Variants in UNC5C observed in about 807,000 individuals in gnomAD.
UNC5C encodes the protein netrin receptor UNC5C.
UNC5C carries 47 observed loss-of-function variants against 99.8 expected under a neutral mutation model. The observed-to-expected ratio is 0.47, with a 90% confidence interval of 0.37 to 0.60. UNC5C has a LOEUF of 0.60. UNC5C is among the 20% of genes least tolerant of loss of function. The probability of loss-of-function intolerance (pLI) is 0.00; values close to 1 mark genes in which losing one functional copy is unlikely to be tolerated. For missense variants in UNC5C, 1,062 were observed against 1,165.9 expected (o/e 0.91, Z 1.30); for synonymous variants, 487 against 452.2 (o/e 1.08, Z -0.98).
intron 14 of UNC5C, among the ~76,000 whole-genome samples, chr4:95,171,331 C>A (rs1736095095): frequency 6.6e-6 from 1 of 151,372 alleles, no homozygotes; most frequent in African/African-American, 2.4e-5. Context: ...GCGCTGCACC[C>A]ACTAACTCAT....
At chr4:95,520,998 T>C (rs183799228) in intron 1 of UNC5C, among the ~76,000 whole-genome samples, 1 of 151,896 alleles carries the variant, frequency 6.6e-6, no homozygotes, top group Admixed American at 6.6e-5. Flanking sequence ...CCAAGAAACA[T>C]TGTCTTAAAT....
At chr4:95,374,154 G>A (rs1744827003) in intron 1 of UNC5C, among the ~76,000 whole-genome samples, 2 of 152,030 alleles carry the variant, frequency 1.3e-5, no homozygotes, top group African/African-American at 4.8e-5. Flanking sequence ...GAAAACAAAG[G>A]AGAATAATAT....
chr4:95,213,940 T>A (rs1738160815), intron 10 of UNC5C, among the ~76,000 whole-genome samples: 1 of 152,188 alleles, frequency 6.6e-6, no homozygotes. Flanking sequence ...GAAAGTGCTT[T>A]GTGATCAGAA....
At chr4:95,419,857 T>C (rs951069280) in intron 1 of UNC5C, among the ~76,000 whole-genome samples, 4 of 152,080 alleles carry the variant, frequency 2.6e-5, no homozygotes, top group South Asian at 2.1e-4. Flanking sequence ...CAAAGGATCA[T>C]TGGCCTCTAG....
At chr4:95,276,580 G>C (rs556596646) in intron 4 of UNC5C, among the ~76,000 whole-genome samples, 5 of 152,308 alleles carry the variant, frequency 3.3e-5, no homozygotes, top group African/African-American at 1.2e-4. Context: ...TGTTGCTCAT[G>C]ATCTGTTTTG....
intron 10 of UNC5C, among the ~76,000 whole-genome samples, chr4:95,208,050 C>T (rs1328490806): frequency 1.3e-5 from 2 of 152,114 alleles, no homozygotes; most frequent in Admixed American, 6.5e-5. Flanking sequence ...GATCTCTCCT[C>T]GGGTTTCTAT....
chr4:95,336,578 G>T (rs1031039502), intron 1 of UNC5C, among the ~76,000 whole-genome samples: 10 of 151,842 alleles, frequency 6.6e-5, no homozygotes, highest in African/African-American at 1.2e-4. Context: ...TTCAGTTGTT[G>T]CCCTGTGTTG....
At chr4:95,349,033 A>G (rs1167835365) in intron 1 of UNC5C, among the ~76,000 whole-genome samples, 5 of 151,600 alleles carry the variant, frequency 3.3e-5, no homozygotes, top group Non-Finnish European at 7.4e-5. Flanking sequence ...TAGTTAGATA[A>G]AATGTATAAG....
At chr4:95,495,823 C>T (rs898887021) in intron 1 of UNC5C, among the ~76,000 whole-genome samples, 1 of 151,578 alleles carries the variant, frequency 6.6e-6, no homozygotes, top group Non-Finnish European at 1.5e-5. Flanking sequence ...GAAGCAACAA[C>T]AATCTGAAGG....
chr4:95,206,897 G>T, intron 10 of UNC5C, 101 bp from the exon 11 acceptor site: 17 of 816,042 alleles, frequency 2.1e-5, no homozygotes, highest in Admixed American at 4.3e-5. Context: ...TTTTCTCCTG[G>T]AATTCTTTTT....
intron 1 of UNC5C, among the ~76,000 whole-genome samples, chr4:95,370,598 C>T (rs527677541): frequency 1.3e-5 from 2 of 152,290 alleles, no homozygotes; most frequent in South Asian, 4.1e-4. Flanking sequence ...TTTATTTGTA[C>T]TCATTTTCAG....
At chr4:95,377,415 C>A (rs541175476) in intron 1 of UNC5C, among the ~76,000 whole-genome samples, 2 of 152,256 alleles carry the variant, frequency 1.3e-5, no homozygotes, top group African/African-American at 4.8e-5. Flanking sequence ...AAACTAAATC[C>A]AGATAGAACC....
chr4:95,270,345 TG>T (rs1220344221), intron 4 of UNC5C, among the ~76,000 whole-genome samples: 1 of 152,344 alleles, frequency 6.6e-6, no homozygotes, highest in African/African-American at 2.4e-5. Context: ...AGTAGGTTTG[TG>T]CAAGTCTGGG....
chr4:95,548,462 C>A (rs999312571), intron 1 of UNC5C, among the ~76,000 whole-genome samples: 7 of 152,000 alleles, frequency 4.6e-5, no homozygotes, highest in African/African-American at 1.5e-4. Context: ...GGCTCCCACA[C>A]GTATGGAGAC....
chr4:95,262,210 A>G, intron 4 of UNC5C, among the ~76,000 whole-genome samples: 1 of 152,168 alleles, frequency 6.6e-6, no homozygotes, highest in East Asian at 1.9e-4. Flanking sequence ...CTTTTTGCAA[A>G]TCAGGTGGTT....
intron 11 of UNC5C, 115 bp from the exon 12 acceptor site, chr4:95,203,079 T>G (rs1471255156): frequency 1.2e-6 from 1 of 838,702 alleles, no homozygotes; most frequent in African/African-American, 1.7e-5. Context: ...GTCTTTTTTC[T>G]CTCTCAGAGT....
intron 1 of UNC5C, among the ~76,000 whole-genome samples, chr4:95,528,678 C>G (rs1316957683): frequency 6.6e-6 from 1 of 152,070 alleles, no homozygotes; most frequent in Non-Finnish European, 1.5e-5. Flanking sequence ...TGTAGTATAA[C>G]CCTGGGAGAG....
chr4:95,424,518 C>CTTTTTTT (rs536039867), intron 1 of UNC5C, among the ~76,000 whole-genome samples: 99 of 67,958 alleles, frequency 1.5e-3, no homozygotes, highest in Non-Finnish European at 1.7e-3. Context: ...TTTTTCTTTT[C>CTTTTTTT]TTTTTTTTTT....
At chr4:95,492,299 T>C (rs186463879) in intron 1 of UNC5C, among the ~76,000 whole-genome samples, 1 of 151,442 alleles carries the variant, frequency 6.6e-6, no homozygotes, top group Admixed American at 6.6e-5. Context: ...TCTATCATGC[T>C]ACTTCCGCCA....
Sources: gnomAD v4.1 joint callset for allele counts (sites outside exome capture counted in the v4.1 genomes callset) on GRCh38, gnomAD v4.1.1 for gene constraint, MANE v1.5 for transcripts, NCBI Gene and HGNC (gene_info 2026-07-23, HGNC 2026-07-21) for gene names.